Variants in STOX2 observed in about 807,000 individuals in gnomAD.
STOX2 encodes the protein storkhead-box protein 2.
A neutral mutation model predicts 60.9 loss-of-function variants in STOX2; 28 were observed. The ratio of observed to expected loss-of-function variants is 0.46; its 90% CI spans 0.34 to 0.63. STOX2 has a LOEUF of 0.63. STOX2 is among the 30% of genes least tolerant of loss of function. The pLI is 0.01. For synonymous variants in STOX2, 472 were observed against 463.9 expected (o/e 1.02, Z -0.22); for missense variants, 1,024 against 1,187.7 (o/e 0.86, Z 2.03).
intron 1 of STOX2, among the ~76,000 whole-genome samples, chr4:183,907,371 G>T (rs1451232906): frequency 3.3e-5 from 5 of 152,208 alleles, no homozygotes. Context: ...AAAAGGAACA[G>T]GTTCCATGCG....
chr4:184,005,657 T>C (rs561039830), intron 2 of STOX2, among the ~76,000 whole-genome samples: 3 of 152,290 alleles, frequency 2.0e-5, no homozygotes, highest in South Asian at 2.1e-4. Context: ...AATTTGGAAG[T>C]AGTGGAATAT....
chr4:183,866,646 C>T, intron 1 of STOX2, among the ~76,000 whole-genome samples: 1 of 152,188 alleles, frequency 6.6e-6, no homozygotes, highest in Non-Finnish European at 1.5e-5. Flanking sequence ...CTTTTCCTTT[C>T]ATTGTTCTTT....
intron 1 of STOX2, among the ~76,000 whole-genome samples, chr4:183,936,241 G>T (rs997732998): frequency 1.3e-5 from 2 of 152,074 alleles, no homozygotes; most frequent in African/African-American, 4.8e-5. Flanking sequence ...TTTGCAGTCT[G>T]TGTGAAACCT....
chr4:183,819,676 A>G (rs954450456), intron 1 of STOX2, among the ~76,000 whole-genome samples: 3 of 152,068 alleles, frequency 2.0e-5, no homozygotes, highest in Admixed American at 6.5e-5. Context: ...TCATTGATGC[A>G]CTTAATTTTA....
rs1738902069 is a variant in STOX2 at position 183,806,854 on chromosome 4, G to T, written c.364+8799G>T. Among the ~76,000 whole-genome samples the T allele has an allele frequency of 6.6e-6, 1 of 152,176 alleles. No homozygotes were observed. Among genetic ancestry groups the T allele is most frequent in the African/African-American group, 2.4e-5 (1 of 41,444 alleles). ...AGGGCCCAGGACATGCCCTTGTAAG[G>T]CAAGTGGTCTTCAGAGATTCCAGAC... On this transcript the variant is annotated intron_variant, in intron 1 of 2. Transcript: ENST00000513034. The surrounding 1 kb of genome is among the most constrained non-coding windows in gnomAD (Gnocchi z 4.1).
chr4:183,823,730 G>A (rs1400611052), intron 1 of STOX2, among the ~76,000 whole-genome samples: 1 of 152,172 alleles, frequency 6.6e-6, no homozygotes. Context: ...GGAGGCTGCC[G>A]CGGGTTTGAA....
chr4:183,959,795 A>G (rs948453698), intron 1 of STOX2, among the ~76,000 whole-genome samples: 17 of 152,200 alleles, frequency 1.1e-4, no homozygotes, highest in African/African-American at 4.1e-4. Context: ...ATCTTCAGTG[A>G]TGTTCATGAT....
intron 1 of STOX2, among the ~76,000 whole-genome samples, chr4:183,817,086 A>T (rs142197141): frequency 6.6e-6 from 1 of 152,214 alleles, no homozygotes; most frequent in Non-Finnish European, 1.5e-5. Context: ...GTCATGAGAG[A>T]TGGAAAAGGA....
At chr4:183,959,823 C>T (rs562646638) in intron 1 of STOX2, among the ~76,000 whole-genome samples, 45 of 152,210 alleles carry the variant, frequency 3.0e-4, no homozygotes, top group African/African-American at 6.5e-4. Flanking sequence ...TGCTTTGCTG[C>T]GGAGTAGGTT....
At chr4:183,798,600 C>A in intron 1 of STOX2, 1 of 984,580 alleles carries the variant, frequency 1.0e-6, no homozygotes, top group Non-Finnish European at 1.2e-6. Context: ...CATTTCTCAA[C>A]GAGGCAAGGC....
chr4:183,913,850 C>A (rs781304431), intron 1 of STOX2, among the ~76,000 whole-genome samples: 1 of 152,088 alleles, frequency 6.6e-6, no homozygotes, highest in African/African-American at 2.4e-5. Context: ...TATTAGCACA[C>A]CACCCTCAAG....
chr4:183,822,793 T>C (rs1307818164), intron 1 of STOX2, among the ~76,000 whole-genome samples: 1 of 152,228 alleles, frequency 6.6e-6, no homozygotes, highest in Non-Finnish European at 1.5e-5. Flanking sequence ...CCCTGTGATA[T>C]ACATGATTGT....
intron 1 of STOX2, among the ~76,000 whole-genome samples, chr4:183,971,797 T>C (rs987578343): frequency 6.6e-6 from 1 of 152,300 alleles, no homozygotes; most frequent in South Asian, 2.1e-4. Flanking sequence ...CTGCTAACAG[T>C]GCTATTTCAG....
At chr4:183,852,320 G>A (rs35885809) in intron 1 of STOX2, among the ~76,000 whole-genome samples, 354 of 63,242 alleles carry the variant, frequency 5.6e-3, no homozygotes, top group Middle Eastern at 0.014. Context: ...AAACGATGAG[G>A]GAAAGGATGA....
At chr4:183,837,449 C>G (rs1415533250) in intron 1 of STOX2, among the ~76,000 whole-genome samples, 3 of 151,732 alleles carry the variant, frequency 2.0e-5, no homozygotes, top group African/African-American at 7.3e-5. Context: ...ATGCTATTTT[C>G]AGAGTCCGTG....
At chr4:183,878,492 A>G (rs1740881066) in intron 1 of STOX2, among the ~76,000 whole-genome samples, 1 of 152,232 alleles carries the variant, frequency 6.6e-6, no homozygotes, top group African/African-American at 2.4e-5. Context: ...GGTTTAATCC[A>G]GCAAGTTGGG....
At chr4:184,004,936 G>A (rs917158951) in intron 2 of STOX2, among the ~76,000 whole-genome samples, 1 of 152,204 alleles carries the variant, frequency 6.6e-6, no homozygotes, top group African/African-American at 2.4e-5. Flanking sequence ...CAGGTATGGA[G>A]CTGAACTTGA....
chr4:183,982,086 T>C (rs1732675736), intron 1 of STOX2, among the ~76,000 whole-genome samples: 5 of 152,238 alleles, frequency 3.3e-5, no homozygotes, highest in Non-Finnish European at 7.3e-5. Context: ...CTGGTTTTGC[T>C]AGTAAATCTT....
At chr4:184,000,640 C>T (rs1020283573) in intron 1 of STOX2, among the ~76,000 whole-genome samples, 1 of 152,212 alleles carries the variant, frequency 6.6e-6, no homozygotes, top group Non-Finnish European at 1.5e-5. Flanking sequence ...CGCAGGGACA[C>T]ACCTACTCTT....
Sources: allele counts gnomAD v4.1 joint callset (sites outside exome capture counted in the v4.1 genomes callset), GRCh38; gene constraint gnomAD v4.1.1; non-coding constraint Gnocchi (gnomAD v3.1); transcripts MANE v1.5; gene names NCBI Gene and HGNC (gene_info 2026-07-23, HGNC 2026-07-21).